The following CAPN7 variants were observed in gnomAD, a reference collection of about 807,000 sequenced individuals.
CAPN7 encodes the protein calpain 7.
Under a neutral mutation model 115.2 loss-of-function variants are expected in CAPN7, and 72 were observed. The observed-to-expected ratio is 0.63, with a 90% CI of 0.52 to 0.76. CAPN7 has a LOEUF of 0.76. Among genes scored for constraint, CAPN7 ranks in the 30% least tolerant of loss-of-function variants. The pLI is 0.00. For missense variants in CAPN7, 905 were observed against 971.5 expected, an observed-to-expected ratio of 0.93 and a Z score of 0.91; for synonymous variants, 344 against 322.3, an observed-to-expected ratio of 1.07 and a Z score of -0.72.
intron 7 of CAPN7, among the ~76,000 whole-genome samples, chr3:15,228,280 A>T (rs1366407612): frequency 6.6e-6 from 1 of 152,212 alleles, no homozygotes; most frequent in African/African-American, 2.4e-5. Context: ...TAATTATTTG[A>T]GTAATTATTC....
At position 15,220,974 on chromosome 3, in the gene CAPN7, G is replaced by A. The variant is rs201208550; in HGVS notation, c.631G>A (p.Val211Ile). ...GQRYTAEEIE[V>I]LRTTSKINGI... ...GAGATACACAGCAGAAGAAATAGAA[G>A]TACTCAGGTAAATAAGTTTACAATT... Residue 211 changes from valine (V) to isoleucine (I), a missense_variant, in exon 5 of 21, where the codon GTA becomes ATA. Around this residue, in one of 3 missense-constraint regions of CAPN7, gnomAD observed 14 missense variants for 28.5 expected, o/e 0.49. Coordinates refer to ENST00000253693, the MANE Select transcript of CAPN7 (RefSeq NM_014296.3). The A allele has an allele frequency of 6.2e-7, 1 of 1,612,096 alleles. No individual in the cohort carries two copies. The highest frequency in any genetic ancestry group is 8.5e-7 in the Non-Finnish European group (1 of 1,178,304).
chr3:15,213,282 T>C (rs1157815720), intron 2 of CAPN7, among the ~76,000 whole-genome samples: 1 of 152,256 alleles, frequency 6.6e-6, no homozygotes, highest in Non-Finnish European at 1.5e-5. Context: ...TTTACTTCCA[T>C]GATCTCCTTG....
chr3:15,223,722 T>C (rs1694136658), intron 6 of CAPN7, among the ~76,000 whole-genome samples, 161 bp downstream of exon 6: 2 of 152,136 alleles, frequency 1.3e-5, no homozygotes, highest in Non-Finnish European at 2.9e-5. Context: ...AAGAGCACTT[T>C]TGTTATTTGC....
intron 7 of CAPN7, 63 bp from the exon 8 acceptor site, chr3:15,228,911 A>ATATTGCGG (rs756232771): frequency 3.8e-5 from 46 of 1,218,508 alleles, no homozygotes; most frequent in Non-Finnish European, 5.4e-5. Context: ...CAATGTACGT[A>ATATTGCGG]TATTGCGGTA....
Position 15,245,655 on chromosome 3 carries a change from T to TC in CAPN7, c.1996dup (p.His666ProfsTer28). On this transcript the variant is annotated frameshift_variant, in exon 17 of 21. Transcript: ENST00000253693. LOFTEE classifies it high-confidence loss of function. Reference sequence around the variant, plus strand: ...TCTCAATATGAAAAACAGAACACAATCCATTACACGGTTCGGGTAAGTAAA... The same window carrying TC: ...TCTCAATATGAAAAACAGAACACAATCCCATTACACGGTTCGGGTAAGTAAA... 1 of 1,613,362 alleles carries TC rather than the reference T, an allele frequency of 6.2e-7. No individual in the cohort carries two copies. Among genetic ancestry groups the TC allele is most frequent in the Non-Finnish European group, 8.5e-7 (1 of 1,179,722 alleles).
At chr3:15,213,305 T>C (rs947062205) in intron 2 of CAPN7, among the ~76,000 whole-genome samples, 3 of 152,214 alleles carry the variant, frequency 2.0e-5, no homozygotes, top group Admixed American at 1.3e-4. Flanking sequence ...TTTTCATAGA[T>C]AGTTTTCTTC....
intron 19 of CAPN7, among the ~76,000 whole-genome samples, chr3:15,248,814 C>T (rs1695825141): frequency 2.6e-5 from 4 of 151,386 alleles, no homozygotes; most frequent in African/African-American, 7.3e-5. Flanking sequence ...CATGGCAAAA[C>T]CTCATCTCTG....
Position 15,251,417 on chromosome 3 carries a change from A to G in CAPN7, c.*157A>G, listed in dbSNP as rs2125024312. 2 of 627,122 alleles carry G rather than the reference A, an allele frequency of 3.2e-6. No homozygotes were observed. Among genetic ancestry groups the G allele is most frequent in the Admixed American group, 3.3e-5 (1 of 30,244 alleles). The allele number at this position is 627,122 out of a possible 1,614,324, so 38.8% of individuals were successfully genotyped here. On this transcript the variant is annotated 3_prime_UTR_variant, in exon 21 of 21. Coordinates refer to ENST00000253693, the MANE Select transcript of CAPN7 (RefSeq NM_014296.3). ...TCTGGTGCTTGTCAGGGTGTTTGGT[A>G]AGAACTGTATATAGTCAGAATTACC...
At chr3:15,214,772 A>G (rs1414838024) in intron 2 of CAPN7, among the ~76,000 whole-genome samples, 1 of 152,244 alleles carries the variant, frequency 6.6e-6, no homozygotes, top group East Asian at 1.9e-4. Flanking sequence ...CTTGGAATTA[A>G]AAGATCCCTG....
intron 12 of CAPN7, among the ~76,000 whole-genome samples, chr3:15,237,847 C>T (rs529950924): frequency 7.0e-4 from 107 of 151,938 alleles, no homozygotes; most frequent in African/African-American, 2.2e-3. Context: ...CATGGTGGCA[C>T]GTGCCTGTAG....
intron 10 of CAPN7, among the ~76,000 whole-genome samples, 181 bp from the exon 11 acceptor site, chr3:15,233,686 A>G (rs1345998418): frequency 1.3e-5 from 2 of 152,242 alleles, no homozygotes; most frequent in Non-Finnish European, 1.5e-5. Context: ...AAAAATATGC[A>G]TGTTCAAATT....
intron 2 of CAPN7, among the ~76,000 whole-genome samples, chr3:15,215,975 A>G (rs775706699): frequency 1.1e-4 from 17 of 152,132 alleles, no homozygotes; most frequent in Non-Finnish European, 2.4e-4. Flanking sequence ...AGTCCCAGCT[A>G]CTTGGGAGGC....
rs552509539 is a variant in CAPN7, at chr3:15,250,100, T to C, written c.2205-831T>C. Among the ~76,000 whole-genome samples the C allele has an allele frequency of 8.2e-4, 120 of 146,514 alleles. No individual in the cohort carries two copies. In the Middle Eastern group the frequency reaches 0.01, roughly 13 times the overall value. On this transcript the variant is annotated intron_variant, in intron 19 of 20. Transcript: ENST00000253693. ...TTTAATTATACCCTGTGGCCAGGCG[T>C]GGTGGCTCAAGGCTGTAATCCCAGC...
chr3:15,217,648 T>A, intron 3 of CAPN7, 66 bp downstream of exon 3: 3 of 1,297,838 alleles, frequency 2.3e-6, no homozygotes, highest in Non-Finnish European at 3.1e-6. Flanking sequence ...GCTAGTGAAT[T>A]TTACATAACA....
rs562070989 is a variant in CAPN7, at chr3:15,238,358, C to T, written c.1408-2115C>T. On this transcript the variant is annotated intron_variant, in intron 12 of 20. Transcript: ENST00000253693. ...CTCGATCTCCTGACCTCATGATCCA[C>T]CCACCTTGGCCTCCCAAAGTGCTGG... Among the ~76,000 whole-genome samples the T allele has an allele frequency of 2.6e-5, 4 of 152,088 alleles. No individual in the cohort carries two copies. The East Asian group carries it at 7.7e-4, about 29-fold the overall frequency.
chr3:15,217,246 TA>T (rs557524108), intron 2 of CAPN7, among the ~76,000 whole-genome samples, 178 bp from the exon 3 acceptor site: 396 of 139,594 alleles, frequency 2.8e-3, no homozygotes, highest in Middle Eastern at 7.3e-3. Flanking sequence ...AGAGCCTGTC[TA>T]AAAAAAAAAA....
At chr3:15,236,334 C>T (rs922821477) in intron 12 of CAPN7, among the ~76,000 whole-genome samples, 3 of 152,178 alleles carry the variant, frequency 2.0e-5, no homozygotes, top group African/African-American at 7.2e-5. Context: ...GAATATTTGA[C>T]TTCATTACTT....
At chr3:15,221,742 G>A (rs948344293) in intron 5 of CAPN7, among the ~76,000 whole-genome samples, 1 of 151,968 alleles carries the variant, frequency 6.6e-6, no homozygotes, top group African/African-American at 2.4e-5. Context: ...GGCAGAGGGG[G>A]GCAGATCACT....
At chr3:15,216,111 A>G (rs2045235083) in intron 2 of CAPN7, among the ~76,000 whole-genome samples, 1 of 151,980 alleles carries the variant, frequency 6.6e-6, no homozygotes, top group Admixed American at 6.6e-5. Flanking sequence ...TCATGTACAG[A>G]TTTTTGCATA....
Sources: gnomAD v4.1 joint callset for allele counts (sites outside exome capture counted in the v4.1 genomes callset) on GRCh38, gnomAD v4.1.1 for gene constraint, gnomAD v4.1.1 regional missense constraint, MANE v1.5 for transcripts, NCBI Gene and HGNC (gene_info 2026-07-23, HGNC 2026-07-21) for gene names.